The following ABCB11 variants were observed in gnomAD, a reference collection of about 807,000 sequenced individuals.
ABCB11 encodes the protein ATP binding cassette subfamily B member 11, also known as bile salt export pump.
ABCB11 carries 95 observed loss-of-function variants against 148.0 expected under a neutral mutation model. The observed-to-expected ratio is 0.64, with a 90% CI of 0.54 to 0.76. The LOEUF (loss-of-function observed/expected upper bound fraction) is 0.76, where lower values mean the gene tolerates loss of function less well. Among genes scored for constraint, ABCB11 ranks in the 30% least tolerant of loss-of-function variants. The probability of loss-of-function intolerance (pLI) is 0.00; values close to 1 mark genes in which losing one functional copy is unlikely to be tolerated. For missense variants in ABCB11, 1,523 were observed against 1,617.8 expected, an observed-to-expected ratio of 0.94 and a Z score of 1.01; for synonymous variants, 591 against 555.4, an observed-to-expected ratio of 1.06 and a Z score of -0.90.
chr2:168,983,476 T>C (rs1380685871), intron 10 of ABCB11, among the ~76,000 whole-genome samples: 1 of 152,178 alleles, frequency 6.6e-6, no homozygotes, highest in African/African-American at 2.4e-5. Context: ...ACACTTCCCA[T>C]CCATACTATC....
rs1382100120 is a variant in ABCB11 at position 168,993,817 on chromosome 2, G to A, written c.677C>T (p.Ser226Leu). 5.0e-6 allele frequency: 8 copies of A among 1,611,554 alleles called. No individual in the cohort carries two copies. The highest frequency in any genetic ancestry group is 2.2e-5 in the East Asian group (1 of 44,698). Residue 226 changes from serine to leucine, a missense_variant, in exon 8 of 28, where the codon TCG (serine) becomes TTG (leucine). By Grantham distance (145) the Ser-to-Leu change is moderately radical (BLOSUM62 -2). Transcript: ENST00000650372. ...TCCCAACAGGAAACCACAGATGGTCGAGGTCATGCGCTGAATGAAAAGGGC... is the reference window on the plus strand; with the variant it reads ...TCCCAACAGGAAACCACAGATGGTCAAGGTCATGCGCTGAATGAAAAGGGC... ...QMALFIQRMT[S>L]TICGFLLGFF...
At chr2:168,972,366 T>C (rs1292735068) in intron 13 of ABCB11, among the ~76,000 whole-genome samples, 2 of 151,976 alleles carry the variant, frequency 1.3e-5, no homozygotes, top group African/African-American at 4.8e-5. Context: ...ACGTTTTAAA[T>C]ATTTTTATAT....
chr2:168,960,162 G>A (rs907476224), intron 18 of ABCB11, among the ~76,000 whole-genome samples: 2 of 151,558 alleles, frequency 1.3e-5, no homozygotes, highest in African/African-American at 4.8e-5. Flanking sequence ...CCTGTCACGA[G>A]AATTCCAATT....
At chr2:168,986,082 T>C in intron 10 of ABCB11, 28 bp downstream of exon 10, 1 of 1,495,540 alleles carries the variant, frequency 6.7e-7, no homozygotes, top group Non-Finnish European at 9.0e-7. Flanking sequence ...AAGGAAATGC[T>C]ATGTCTCGGT....
intron 5 of ABCB11, among the ~76,000 whole-genome samples, chr2:169,000,840 C>T (rs1694848837): frequency 6.6e-6 from 1 of 152,008 alleles, no homozygotes; most frequent in African/African-American, 2.4e-5. Context: ...TATATTAGGG[C>T]TTAAATATGT....
chr2:168,975,304 TAAATATTTATAG>T (rs1229813896), intron 12 of ABCB11, among the ~76,000 whole-genome samples: 9 of 62,836 alleles, frequency 1.4e-4, no homozygotes, highest in African/African-American at 5.4e-4. Context: ...TTTTTATATT[TAAATATTTATAG>T]ATAAATATAT....
intron 8 of ABCB11, among the ~76,000 whole-genome samples, chr2:168,993,304 G>A (rs1694602088): frequency 6.6e-6 from 1 of 151,954 alleles, no homozygotes; most frequent in Admixed American, 6.6e-5. Flanking sequence ...TGGAGTCAGA[G>A]CCCCTTAGAC....
chr2:168,995,100 TATA>T (rs1345304082), intron 7 of ABCB11, among the ~76,000 whole-genome samples: 1 of 152,060 alleles, frequency 6.6e-6, no homozygotes, highest in East Asian at 1.9e-4. Context: ...AACTGTCTTC[TATA>T]ATATTTCCTT....
chr2:169,002,485 AG>A (rs1185211780), intron 5 of ABCB11, among the ~76,000 whole-genome samples: 1 of 152,252 alleles, frequency 6.6e-6, no homozygotes, highest in African/African-American at 2.4e-5. Flanking sequence ...TATATCAAAA[AG>A]ATATCTACGC....
chr2:168,931,880 T>C (rs1268454623), intron 24 of ABCB11, among the ~76,000 whole-genome samples: 1 of 152,232 alleles, frequency 6.6e-6, no homozygotes, highest in Non-Finnish European at 1.5e-5. Flanking sequence ...TCTCCAAGTA[T>C]GTATGAATGA....
intron 2 of ABCB11, chr2:169,017,808 A>G: frequency 1.6e-6 from 1 of 641,278 alleles, no homozygotes; most frequent in Non-Finnish European, 2.9e-6. Context: ...CTATCTAGGA[A>G]AGGTGTTGGT....
chr2:168,942,745 T>C (rs1164061702), intron 21 of ABCB11, among the ~76,000 whole-genome samples: 1 of 151,796 alleles, frequency 6.6e-6, no homozygotes, highest in Non-Finnish European at 1.5e-5. Context: ...ACCTACTTGG[T>C]ATCTATCTAC....
At chr2:168,977,785 C>T (rs1269027007) in intron 11 of ABCB11, among the ~76,000 whole-genome samples, 1 of 152,118 alleles carries the variant, frequency 6.6e-6, no homozygotes, top group East Asian at 1.9e-4. Flanking sequence ...ATAGGGGAAA[C>T]TGCCACTTTA....
chr2:168,957,639 G>A (rs992975013), intron 19 of ABCB11, among the ~76,000 whole-genome samples: 1 of 151,684 alleles, frequency 6.6e-6, no homozygotes, highest in Non-Finnish European at 1.5e-5. Flanking sequence ...GTATTATTCA[G>A]TGAATCCACT....
chr2:169,007,688 A>C (rs1695065152), intron 5 of ABCB11, among the ~76,000 whole-genome samples: 1 of 152,196 alleles, frequency 6.6e-6, no homozygotes, highest in Non-Finnish European at 1.5e-5. Context: ...AAAATTAAAC[A>C]CTTTAGTGGT....
intron 19 of ABCB11, among the ~76,000 whole-genome samples, chr2:168,947,715 G>T (rs1008093793): frequency 1.3e-5 from 2 of 151,726 alleles, no homozygotes; most frequent in Admixed American, 1.3e-4. Context: ...GAAAAATAGT[G>T]GTTTGTTCGG....
chr2:169,025,099 A>G (rs893984880), intron 1 of ABCB11, among the ~76,000 whole-genome samples: 3 of 152,132 alleles, frequency 2.0e-5, no homozygotes, highest in Non-Finnish European at 4.4e-5. Flanking sequence ...GTGTTATTGC[A>G]TTTCCTAATT....
At position 168,991,045 on chromosome 2, in the gene ABCB11, ACAT is replaced by A. The variant is rs1694502657; in HGVS notation, c.784-123_784-121del. On this transcript the variant is annotated intron_variant, in intron 8 of 27. Transcript: ENST00000650372. ...AATACAATATTAGATTCTCACTGTA[ACAT>A]CATTGACAGGAGGAAGAAATCTGGT... 3 of 1,183,712 alleles carry A rather than the reference ACAT, an allele frequency of 2.5e-6. No homozygotes were observed. In the African/African-American group the frequency reaches 4.6e-5, roughly 18 times the overall value. The allele number at this position is 1,183,712 out of a possible 1,614,324, so 73.3% of individuals were successfully genotyped here. A position where few individuals can be genotyped will look rare whatever the true frequency, so the allele number is the denominator to read the frequency against.
intron 8 of ABCB11, among the ~76,000 whole-genome samples, chr2:168,991,319 T>C (rs1012343490): frequency 6.6e-6 from 1 of 152,092 alleles, no homozygotes; most frequent in African/African-American, 2.4e-5. Context: ...GATATCATGA[T>C]TGGGTATAAT....
Sources: allele counts gnomAD v4.1 joint callset (sites outside exome capture counted in the v4.1 genomes callset), GRCh38; gene constraint gnomAD v4.1.1; transcripts MANE v1.5; gene names NCBI Gene and HGNC (gene_info 2026-07-23, HGNC 2026-07-21).